The following MAGI2 variants were observed in gnomAD, a reference collection of about 807,000 sequenced individuals.
MAGI2 encodes the protein membrane-associated guanylate kinase, WW and PDZ domain-containing protein 2.
MAGI2 carries 35 observed loss-of-function variants against 133.3 expected under a neutral mutation model. The observed-to-expected ratio is 0.26, with a 90% CI of 0.20 to 0.35. MAGI2 has a LOEUF of 0.35. Ranked by LOEUF, MAGI2 falls within the 10% of genes least tolerant of loss-of-function variation. MAGI2 has a pLI of 1.00. For missense variants in MAGI2, 1,636 were observed against 1,863.4 expected (o/e 0.88, Z 2.25); for synonymous variants, 729 against 710.6 (o/e 1.03, Z -0.41).
At chr7:79,065,435 T>C (rs1181506020) in intron 1 of MAGI2, among the ~76,000 whole-genome samples, 2 of 152,144 alleles carry the variant, frequency 1.3e-5, no homozygotes, top group Non-Finnish European at 2.9e-5. Flanking sequence ...ACATATTGAA[T>C]GAATGCATAT....
At chr7:78,630,479 T>C (rs2150962659) in intron 2 of MAGI2, among the ~76,000 whole-genome samples, 1 of 145,482 alleles carries the variant, frequency 6.9e-6, no homozygotes, top group African/African-American at 2.5e-5. Flanking sequence ...TGCAGTGGTG[T>C]GATCACGGCT....
At chr7:78,415,496 C>T (rs1798217191) in intron 6 of MAGI2, among the ~76,000 whole-genome samples, 1 of 152,084 alleles carries the variant, frequency 6.6e-6, no homozygotes, top group Non-Finnish European at 1.5e-5. Context: ...AATGCCTTTA[C>T]ATAATGCCCC....
intron 2 of MAGI2, among the ~76,000 whole-genome samples, chr7:78,737,457 C>T (rs1821973434): frequency 6.6e-6 from 1 of 152,168 alleles, no homozygotes; most frequent in South Asian, 2.1e-4. Flanking sequence ...TAAGAAACTA[C>T]CACTAATCAA....
At chr7:78,209,552 T>C (rs565159229) in intron 10 of MAGI2, among the ~76,000 whole-genome samples, 127 of 152,176 alleles carry the variant, frequency 8.3e-4, no homozygotes, top group Middle Eastern at 3.4e-3. Context: ...TGAGTCACCG[T>C]GCCTGGCCTG....
chr7:78,339,883 G>T (rs1306593434), intron 9 of MAGI2, among the ~76,000 whole-genome samples: 1 of 152,118 alleles, frequency 6.6e-6, no homozygotes, highest in African/African-American at 2.4e-5. Context: ...GATATAATAT[G>T]CATTATTACT....
chr7:79,092,861 C>T (rs550534949), intron 1 of MAGI2, among the ~76,000 whole-genome samples: 274 of 152,198 alleles, frequency 1.8e-3, no homozygotes, highest in Non-Finnish European at 3.2e-3. Context: ...CTCCTCTTAC[C>T]TCCTTTTCTA....
chr7:78,919,007 G>A (rs1214675128), intron 2 of MAGI2, among the ~76,000 whole-genome samples: 3 of 152,088 alleles, frequency 2.0e-5, no homozygotes, highest in African/African-American at 7.2e-5. Flanking sequence ...AGATTCTGAT[G>A]CAATAGTTGT....
At chr7:78,826,520 A>G (rs1790667538) in intron 2 of MAGI2, among the ~76,000 whole-genome samples, 1 of 152,104 alleles carries the variant, frequency 6.6e-6, no homozygotes, top group Non-Finnish European at 1.5e-5. Flanking sequence ...GCAGTGATGA[A>G]TTGGTGAAGC....
At chr7:78,131,548 T>C (rs1357273926) in intron 18 of MAGI2, among the ~76,000 whole-genome samples, 1 of 152,152 alleles carries the variant, frequency 6.6e-6, no homozygotes, top group Non-Finnish European at 1.5e-5. Flanking sequence ...ATTAGAATCA[T>C]TAAAAAGGCC....
intron 1 of MAGI2, among the ~76,000 whole-genome samples, chr7:79,303,195 G>A (rs1056227261): frequency 6.6e-6 from 1 of 151,890 alleles, no homozygotes; most frequent in Non-Finnish European, 1.5e-5. Flanking sequence ...GCTACATTTG[G>A]GGTACGATGT....
intron 1 of MAGI2, among the ~76,000 whole-genome samples, chr7:79,452,380 G>C (rs1319744997): frequency 5.3e-5 from 8 of 152,194 alleles, no homozygotes; most frequent in Non-Finnish European, 1.5e-5. Context: ...CACATGACAC[G>C]ACCGTGAGCG....
At chr7:78,425,127 G>C (rs943895927) in intron 6 of MAGI2, among the ~76,000 whole-genome samples, 1 of 152,100 alleles carries the variant, frequency 6.6e-6, no homozygotes, top group Non-Finnish European at 1.5e-5. Context: ...GGAAGAACTT[G>C]GTTAGAGGTG....
Position 79,093,624 on chromosome 7 carries a change from C to T in MAGI2, c.302-86418G>A, listed in dbSNP as rs142621145. ...GAGAGTCTTGCCTCAACTTCCATGG[C>T]TGATAAGGGTGGTGGTTGCTCAAGG... On this transcript the variant is annotated intron_variant, in intron 1 of 21. Coordinates refer to ENST00000354212, the MANE Select transcript of MAGI2 (RefSeq NM_012301.4). 3.2e-4 allele frequency among the ~76,000 whole-genome samples: 48 copies of T among 151,982 alleles called. No individual in the cohort carries two copies. The East Asian group carries it at 8.5e-3, about 27-fold the overall frequency.
chr7:78,795,467 A>G (rs1380644215), intron 2 of MAGI2, among the ~76,000 whole-genome samples: 2 of 152,074 alleles, frequency 1.3e-5, no homozygotes, highest in Admixed American at 1.3e-4. Flanking sequence ...AGTAACTACA[A>G]AAAACTAGGA....
chr7:78,273,747 A>G (rs908604142), intron 9 of MAGI2, among the ~76,000 whole-genome samples: 5 of 151,916 alleles, frequency 3.3e-5, no homozygotes, highest in Non-Finnish European at 5.9e-5. Flanking sequence ...ACTTATGTAT[A>G]CTTCAAGAAG....
At chr7:79,019,792 G>T (rs1361442784) in intron 1 of MAGI2, among the ~76,000 whole-genome samples, 2 of 152,104 alleles carry the variant, frequency 1.3e-5, no homozygotes, top group African/African-American at 4.8e-5. Context: ...TGATCCACCT[G>T]CCTTGTCCTC....
At chr7:79,191,548 G>A (rs1477095014) in intron 1 of MAGI2, among the ~76,000 whole-genome samples, 3 of 149,684 alleles carry the variant, frequency 2.0e-5, no homozygotes, top group Admixed American at 6.7e-5. Flanking sequence ...CTCCCAAGTA[G>A]TTGGAACTAC....
chr7:78,786,776 C>A (rs950692806), intron 2 of MAGI2, among the ~76,000 whole-genome samples: 1 of 152,136 alleles, frequency 6.6e-6, no homozygotes, highest in Non-Finnish European at 1.5e-5. Flanking sequence ...CTTACTACTA[C>A]GTATTTCAAT....
chr7:79,007,148 A>G lies in MAGI2; in HGVS notation c.360T>C (p.Ser120=). ...HYLNLRFQKG[S]VDHELQQIIR... ...TGATTTGCTGAAGCTCATGGTCCAC[A>G]GAACCCTTTTGAAATCGTAAGTTGA... The change falls in exon 2 of 22, where the codon TCT becomes TCC. Residue 120 remains serine, a synonymous_variant. Coordinates refer to ENST00000354212, the MANE Select transcript of MAGI2 (RefSeq NM_012301.4). The G allele has an allele frequency of 6.2e-7, 1 of 1,613,682 alleles. No homozygotes were observed. Among genetic ancestry groups the G allele is most frequent in the Non-Finnish European group, 8.5e-7 (1 of 1,179,754 alleles).
Sources: gnomAD v4.1 joint callset for allele counts (sites outside exome capture counted in the v4.1 genomes callset) on GRCh38, gnomAD v4.1.1 for gene constraint, MANE v1.5 for transcripts, NCBI Gene and HGNC (gene_info 2026-07-23, HGNC 2026-07-21) for gene names.